Variants in FGGY observed in about 807,000 individuals in gnomAD.
The protein encoded by FGGY is FGGY carbohydrate kinase domain-containing protein.
In FGGY, 72 loss-of-function variants were observed where a neutral mutation model predicts 71.3. That is an observed-to-expected ratio of 1.01 (90% CI 0.84 to 1.23). FGGY has a LOEUF of 1.23. Ranked by LOEUF, FGGY falls within the 50% of genes most tolerant of loss-of-function variation. The pLI is 0.00. For missense variants in FGGY, 668 were observed against 682.3 expected (o/e 0.98, Z 0.23); for synonymous variants, 251 against 250.3 (o/e 1.00, Z -0.02).
rs2097409674 is a variant in FGGY, at chr1:59,674,088, T to G, written c.1467T>G (p.Ala489=). The G allele has an allele frequency of 1.2e-6, 2 of 1,614,026 alleles. No homozygotes were observed. Among genetic ancestry groups the G allele is most frequent in the Non-Finnish European group, 1.7e-6 (2 of 1,179,944 alleles). The part of the protein sequence containing the change: ...SQEVESVLVG[A]AVLGACASGD... ...AGGTGGAGTCCGTTCTTGTGGGTGC[T>G]GCTGTTCTGGGTGCCTGTGCCTCAG... Residue 489 remains alanine (A), a synonymous_variant, in exon 14 of 16, where the codon GCT becomes GCG. Transcript: ENST00000303721.
At chr1:59,605,867 A>G (rs2096618861) in intron 8 of FGGY, among the ~76,000 whole-genome samples, 3 of 152,146 alleles carry the variant, frequency 2.0e-5, no homozygotes, top group Non-Finnish European at 4.4e-5. Flanking sequence ...GGGCTGAGTA[A>G]ATATTTGTGA....
chr1:59,363,878 C>T (rs890339652), intron 4 of FGGY, among the ~76,000 whole-genome samples: 5 of 152,184 alleles, frequency 3.3e-5, no homozygotes, highest in Non-Finnish European at 5.9e-5. Context: ...TCTTATTCTA[C>T]TACTTGAGTT....
chr1:59,624,615 C>G (rs6677558), intron 9 of FGGY, among the ~76,000 whole-genome samples: 2 of 152,070 alleles, frequency 1.3e-5, no homozygotes, highest in Non-Finnish European at 2.9e-5. Context: ...TTCCACATGG[C>G]TGGGGAGGCG....
chr1:59,727,914 A>G (rs1163793346), intron 14 of FGGY, among the ~76,000 whole-genome samples: 1 of 152,150 alleles, frequency 6.6e-6, no homozygotes, highest in Non-Finnish European at 1.5e-5. Flanking sequence ...AGCTTTCTGC[A>G]TCCCTTTACT....
chr1:59,687,568 G>A (rs1007131053), intron 14 of FGGY, among the ~76,000 whole-genome samples: 7 of 151,362 alleles, frequency 4.6e-5, no homozygotes, highest in African/African-American at 1.2e-4. Flanking sequence ...CTGGGTTCAC[G>A]CCATTCTCCT....
chr1:59,565,963 G>C (rs1307010776), intron 8 of FGGY, among the ~76,000 whole-genome samples: 1 of 152,166 alleles, frequency 6.6e-6, no homozygotes, highest in Non-Finnish European at 1.5e-5. Context: ...CTGCTGCGCT[G>C]TGGTCAAGTA....
At chr1:59,444,371 A>ATATCC (rs1240882653) in intron 5 of FGGY, among the ~76,000 whole-genome samples, 1 of 152,198 alleles carries the variant, frequency 6.6e-6, no homozygotes, top group African/African-American at 2.4e-5. Flanking sequence ...ATTAATTAGC[A>ATATCC]TATCCATCTC....
At chr1:59,358,696 A>T (rs1216549058) in intron 4 of FGGY, among the ~76,000 whole-genome samples, 36 of 152,202 alleles carry the variant, frequency 2.4e-4, no homozygotes, top group Non-Finnish European at 1.5e-5. Flanking sequence ...TACACTTGGG[A>T]AGGCAGTTTG....
At chr1:59,757,350 A>G (rs2098300723) in intron 14 of FGGY, among the ~76,000 whole-genome samples, 1 of 152,216 alleles carries the variant, frequency 6.6e-6, no homozygotes, top group South Asian at 2.1e-4. Flanking sequence ...CATTGTAAAG[A>G]AAAGAATGTC....
At chr1:59,648,180 G>A (rs1283676040) in intron 11 of FGGY, among the ~76,000 whole-genome samples, 1 of 114,490 alleles carries the variant, frequency 8.7e-6, no homozygotes, top group African/African-American at 4.2e-5. Context: ...CCAAGTCTTT[G>A]CTATTGTGAA....
chr1:59,734,291 C>T (rs141221744), intron 14 of FGGY, among the ~76,000 whole-genome samples: 2 of 152,310 alleles, frequency 1.3e-5, no homozygotes, highest in East Asian at 1.9e-4. Flanking sequence ...GCAGCCTTGA[C>T]CTCCTGGGCT....
At chr1:59,351,611 G>T (rs1275923869) in intron 4 of FGGY, among the ~76,000 whole-genome samples, 1 of 152,170 alleles carries the variant, frequency 6.6e-6, no homozygotes, top group Non-Finnish European at 1.5e-5. Flanking sequence ...TAGGTGCTCA[G>T]TACATATTTT....
intron 9 of FGGY, among the ~76,000 whole-genome samples, chr1:59,621,808 C>T (rs1172154016): frequency 6.6e-6 from 1 of 151,730 alleles, no homozygotes; most frequent in South Asian, 2.1e-4. Context: ...TTGGATTCAT[C>T]TTTCTTGAAT....
chr1:59,741,806 G>T (rs747574060), intron 14 of FGGY, among the ~76,000 whole-genome samples: 1 of 152,042 alleles, frequency 6.6e-6, no homozygotes, highest in Non-Finnish European at 1.5e-5. Flanking sequence ...AGGCATCATG[G>T]CAGGCACCTG....
chr1:59,582,347 A>G (rs771006470), intron 8 of FGGY, among the ~76,000 whole-genome samples: 8 of 150,202 alleles, frequency 5.3e-5, no homozygotes, highest in Non-Finnish European at 1.0e-4. Context: ...TTCTTCTGTC[A>G]GTTGGAATCA....
At chr1:59,423,392 C>T (rs562564092) in intron 5 of FGGY, among the ~76,000 whole-genome samples, 2 of 152,218 alleles carry the variant, frequency 1.3e-5, no homozygotes, top group South Asian at 4.2e-4. Context: ...GGACACCATT[C>T]AGCATGTCAG....
At chr1:59,532,837 G>C (rs558322977) in intron 7 of FGGY, among the ~76,000 whole-genome samples, 8 of 152,186 alleles carry the variant, frequency 5.3e-5, no homozygotes, top group African/African-American at 1.7e-4. Context: ...TAACATCATA[G>C]ATGATACAAT....
intron 6 of FGGY, among the ~76,000 whole-genome samples, chr1:59,491,868 C>T (rs1163949840): frequency 6.6e-6 from 1 of 152,072 alleles, no homozygotes; most frequent in Non-Finnish European, 1.5e-5. Context: ...AGATTTAACT[C>T]TTAAAACTTC....
chr1:59,651,939 G>A (rs1235718460), intron 11 of FGGY, among the ~76,000 whole-genome samples: 1 of 151,708 alleles, frequency 6.6e-6, no homozygotes, highest in African/African-American at 2.4e-5. Context: ...CTCTTTTAGG[G>A]CAGGCCTGGT....
Sources: gnomAD v4.1 joint callset for allele counts (sites outside exome capture counted in the v4.1 genomes callset) on GRCh38, gnomAD v4.1.1 for gene constraint, MANE v1.5 for transcripts, NCBI Gene and HGNC (gene_info 2026-07-23, HGNC 2026-07-21) for gene names.